The following SMAD3 variants were observed in gnomAD, a reference collection of about 807,000 sequenced individuals.
The protein encoded by SMAD3 is MAD homolog 3.
In SMAD3, 12 loss-of-function variants were observed where a neutral mutation model predicts 51.8. The ratio of observed to expected loss-of-function variants is 0.23; its 90% CI spans 0.15 to 0.38. The LOEUF (loss-of-function observed/expected upper bound fraction) is 0.38, where lower values mean the gene tolerates loss of function less well. SMAD3 is among the 10% of genes least tolerant of loss of function. SMAD3 has a pLI of 1.00. For synonymous variants in SMAD3, 238 were observed against 227.7 expected, an observed-to-expected ratio of 1.05 and a Z score of -0.41; for missense variants, 294 against 565.6, an observed-to-expected ratio of 0.52 and a Z score of 4.87.
chr15:67,183,031 A>ATATT (rs1156620400), intron 6 of SMAD3, among the ~76,000 whole-genome samples: 9 of 29,702 alleles, frequency 3.0e-4, no homozygotes, highest in African/African-American at 1.2e-3. Context: ...ATATATATAT[A>ATATT]TTTTTTTTTT....
intron 1 of SMAD3, among the ~76,000 whole-genome samples, chr15:67,126,739 G>T (rs1961399007): frequency 6.6e-6 from 1 of 152,232 alleles, no homozygotes; most frequent in African/African-American, 2.4e-5. Flanking sequence ...GGATGAGTAT[G>T]TCTCTTCCTC....
chr15:67,123,841 C>T (rs554916352), intron 1 of SMAD3, among the ~76,000 whole-genome samples: 1 of 152,322 alleles, frequency 6.6e-6, no homozygotes, highest in Non-Finnish European at 1.5e-5. Flanking sequence ...TATAATAAAA[C>T]ATCCCAGAGT....
intron 1 of SMAD3, among the ~76,000 whole-genome samples, chr15:67,089,877 T>C (rs762367718): frequency 9.2e-5 from 14 of 152,092 alleles, no homozygotes; most frequent in Non-Finnish European, 1.9e-4. Flanking sequence ...AGGCAGTAAG[T>C]GGGTAGCACC....
At position 67,191,467 on chromosome 15, in the gene SMAD3, A is replaced by T. The variant is rs1963363598; in HGVS notation, c.*931A>T. On this transcript the variant is annotated 3_prime_UTR_variant, in exon 9 of 9. Coordinates refer to ENST00000327367, the MANE Select transcript of SMAD3 (RefSeq NM_005902.4). ...TCCAGATTCTGATGCATACGGCTAT[A>T]TTGGTTTATGTAGTCAGTTGCATTC... 4.3e-6 allele frequency: 1 copy of T among 233,280 alleles called. No homozygotes were observed. Among genetic ancestry groups the T allele is most frequent in the African/African-American group, 2.2e-5 (1 of 45,352 alleles). 14.5% of individuals were successfully genotyped at this position (233,280 alleles called of 1,614,324 possible). A position where few individuals can be genotyped will look rare whatever the true frequency, so the allele number is the denominator to read the frequency against.
chr15:67,188,557 G>T (rs1006278852), intron 8 of SMAD3, among the ~76,000 whole-genome samples: 7 of 152,136 alleles, frequency 4.6e-5, no homozygotes, highest in African/African-American at 9.7e-5. Context: ...TTCCACTCAC[G>T]GACCAAAGTT....
Position 67,112,154 on chromosome 15 carries a change from C to CTTTTTTTTTTTTTT in SMAD3, c.206+45806_206+45807insTTTTTTTTTTTTTT, listed in dbSNP as rs753530213. Among the ~76,000 whole-genome samples the CTTTTTTTTTTTTTT allele has an allele frequency of 1.5e-4, 14 of 90,402 alleles. 3 individuals carry two copies. The highest frequency in any genetic ancestry group is 9.8e-4 in the East Asian group (3 of 3,054). The allele number at this position is 90,402 out of a possible 152,430, so 59.3% of individuals were successfully genotyped here. On this transcript the variant is annotated intron_variant, in intron 1 of 8. Transcript: ENST00000327367. ...TTAGCCATTTCTTTTTTTTTCTTTCCTTTTTTTTTTTTGAGACAGAGTTTT... is the reference window on the plus strand; with the variant it reads ...TTAGCCATTTCTTTTTTTTTCTTTCCTTTTTTTTTTTTTTTTTTTTTTTTTTGAGACAGAGTTTT...
chr15:67,166,317 A>C, intron 3 of SMAD3: 1 of 290,818 alleles, frequency 3.4e-6, no homozygotes. Flanking sequence ...CTAACTGCTG[A>C]GTGAGGACAC....
At position 67,066,438 on chromosome 15, in the gene SMAD3, G is replaced by T. The variant is rs972111681; in HGVS notation, c.206+78G>T. On this transcript the variant is annotated intron_variant, in intron 1 of 8. Coordinates refer to ENST00000327367, the MANE Select transcript of SMAD3 (RefSeq NM_005902.4). Reference sequence around the variant, plus strand: ...ACTGCGGGGCCGACCCAGTGGGGCTGGAGATGGGAAGAGGGAGAGAGAGGG... The same window carrying T: ...ACTGCGGGGCCGACCCAGTGGGGCTTGAGATGGGAAGAGGGAGAGAGAGGG... 6.8e-6 allele frequency: 8 copies of T among 1,182,578 alleles called. No homozygotes were observed. In the African/African-American group the frequency reaches 1.2e-4, roughly 18 times the overall value. 73.3% of individuals were successfully genotyped at this position (1,182,578 alleles called of 1,614,324 possible). A position where few individuals can be genotyped will look rare whatever the true frequency, so the allele number is the denominator to read the frequency against.
At chr15:67,108,861 G>GA (rs151299537) in intron 1 of SMAD3, among the ~76,000 whole-genome samples, 14 of 147,590 alleles carry the variant, frequency 9.5e-5, no homozygotes, top group Non-Finnish European at 9.0e-5. Context: ...CATTTGGAAA[G>GA]AAAAAAAAAA....
chr15:67,192,041 T>C lies in SMAD3; in HGVS notation c.*1505T>C, dbSNP rs1172836847. ...ACTTTATTCTTTGCTGCTGTTTTTG[T>C]ATAAAATGACCTATCCCACGTTTTT... On this transcript the variant is annotated 3_prime_UTR_variant, in exon 9 of 9. Coordinates refer to ENST00000327367, the MANE Select transcript of SMAD3 (RefSeq NM_005902.4). 1 of 231,940 alleles carries C rather than the reference T, an allele frequency of 4.3e-6. No individual in the cohort carries two copies. The highest frequency in any genetic ancestry group is 6.1e-5 in the East Asian group (1 of 16,472). 14.4% of individuals were successfully genotyped at this position (231,940 alleles called of 1,614,324 possible).
At chr15:67,179,976 G>A (rs1022541806) in intron 5 of SMAD3, among the ~76,000 whole-genome samples, 5 of 152,150 alleles carry the variant, frequency 3.3e-5, no homozygotes, top group African/African-American at 1.2e-4. Context: ...TAGTAACTGC[G>A]TCGCTTCGGG....
At chr15:67,142,076 C>T (rs979664506) in intron 1 of SMAD3, among the ~76,000 whole-genome samples, 2 of 152,166 alleles carry the variant, frequency 1.3e-5, no homozygotes, top group African/African-American at 4.8e-5. Context: ...CGTAGCGAGG[C>T]AGTGAAGAGC....
chr15:67,183,031 ATTT>A (rs57749736), intron 6 of SMAD3, among the ~76,000 whole-genome samples: 1,658 of 29,214 alleles, frequency 0.057, 45 homozygotes, highest in Middle Eastern at 0.091. Flanking sequence ...ATATATATAT[ATTT>A]TTTTTTTTTT....
chr15:67,157,588 C>T (rs914995325), intron 1 of SMAD3, among the ~76,000 whole-genome samples: 10 of 152,240 alleles, frequency 6.6e-5, no homozygotes, highest in African/African-American at 2.2e-4. Context: ...GTTTCTGGAA[C>T]TTATGTGCTG....
At chr15:67,074,941 A>T (rs12913535) in intron 1 of SMAD3, among the ~76,000 whole-genome samples, 11,315 of 152,198 alleles carry the variant, frequency 0.074, 575 homozygotes, top group Middle Eastern at 0.13. Context: ...CTACAGAGTT[A>T]TGAATCTGGT....
At chr15:67,156,883 G>A (rs1962296994) in intron 1 of SMAD3, among the ~76,000 whole-genome samples, 1 of 152,240 alleles carries the variant, frequency 6.6e-6, no homozygotes, top group African/African-American at 2.4e-5. Flanking sequence ...TACAATGGCA[G>A]TCTGTCCCTT....
intron 1 of SMAD3, among the ~76,000 whole-genome samples, chr15:67,121,215 G>T (rs1267687645): frequency 6.6e-6 from 1 of 152,222 alleles, no homozygotes; most frequent in Non-Finnish European, 1.5e-5. Context: ...TCACCCTCCG[G>T]CGTGGAGCCC....
intron 1 of SMAD3, among the ~76,000 whole-genome samples, chr15:67,091,995 G>A (rs896562435): frequency 6.6e-6 from 1 of 152,200 alleles, no homozygotes; most frequent in African/African-American, 2.4e-5. Flanking sequence ...AGAGCCCAGG[G>A]TTGGGGTCAC....
Position 67,110,170 on chromosome 15 carries a change from G to T in SMAD3, c.206+43810G>T, listed in dbSNP as rs189924557. Among the ~76,000 whole-genome samples, 926 of 152,286 alleles carry T rather than the reference G, an allele frequency of 6.1e-3. 5 individuals are homozygous for T. The highest frequency in any genetic ancestry group is 0.011 in the Non-Finnish European group (716 of 68,004). ...TGCTTGAGTGTCTAAGACCCAGGGG[G>T]TTTAGGAATAATTAGGATACTGGCT... is the stretch of plus-strand genomic sequence containing the variant. On this transcript the variant is annotated intron_variant, in intron 1 of 8. Transcript: ENST00000327367.
Sources: allele counts gnomAD v4.1 joint callset (sites outside exome capture counted in the v4.1 genomes callset), GRCh38; gene constraint gnomAD v4.1.1; transcripts MANE v1.5; gene names NCBI Gene and HGNC (gene_info 2026-07-23, HGNC 2026-07-21).